Variants in DNAH11 observed in about 807,000 individuals in gnomAD.
The protein encoded by DNAH11 is dynein axonemal heavy chain 11.
DNAH11 carries 442 observed loss-of-function variants against 526.0 expected under a neutral mutation model. The observed-to-expected ratio is 0.84, with a 90% CI of 0.78 to 0.91. The LOEUF (loss-of-function observed/expected upper bound fraction) is 0.91, where lower values mean the gene tolerates loss of function less well. Ranked by LOEUF, DNAH11 falls within the 40% of genes least tolerant of loss-of-function variation. The pLI, the probability that DNAH11 is intolerant of heterozygous loss-of-function variation, is 0.00. For missense variants in DNAH11, 6,989 were observed against 5,448.7 expected (o/e 1.28, Z -8.90); for synonymous variants, 2,461 against 1,935.9 (o/e 1.27, Z -7.12).
At chr7:21,796,453 C>T (rs1053907046) in intron 61 of DNAH11, among the ~76,000 whole-genome samples, 2 of 151,808 alleles carry the variant, frequency 1.3e-5, no homozygotes, top group Non-Finnish European at 2.9e-5. Context: ...ATGAGGGAAG[C>T]AGAATGAAAA....
At chr7:21,804,979 A>C (rs961336331) in intron 62 of DNAH11, among the ~76,000 whole-genome samples, 1 of 152,030 alleles carries the variant, frequency 6.6e-6, no homozygotes, top group Non-Finnish European at 1.5e-5. Context: ...CCCCATCTTC[A>C]CTGGCCTTCT....
chr7:21,555,621 C>T lies in DNAH11; in HGVS notation c.496-3181C>T, dbSNP rs188200261. ...TATCTCAGTTACACACACTTGACCT[C>T]TGAAAATGCCCAACCACCAAGGCAG... On this transcript the variant is annotated intron_variant, in intron 2 of 81. Transcript: ENST00000409508. Among the ~76,000 whole-genome samples, 5 of 152,326 alleles carry T rather than the reference C, an allele frequency of 3.3e-5. No homozygotes were observed. In the East Asian group the frequency reaches 9.7e-4, roughly 29 times the overall value.
chr7:21,615,304 A>C, intron 21 of DNAH11, 32 bp downstream of exon 21: 1 of 1,603,544 alleles, frequency 6.2e-7, no homozygotes, highest in Non-Finnish European at 8.5e-7. Context: ...CATGCTTTTT[A>C]TTTAGTAGTT....
intron 73 of DNAH11, among the ~76,000 whole-genome samples, chr7:21,872,719 G>A (rs973409105): frequency 6.6e-6 from 1 of 152,206 alleles, no homozygotes; most frequent in Non-Finnish European, 1.5e-5. Context: ...AAAATCATCT[G>A]TTAGGAATAA....
chr7:21,726,273 A>G lies in DNAH11; in HGVS notation c.7440+289A>G, dbSNP rs146166908. ...ATCTCATGAGAACAAATTCACTTTC[A>G]TTAGAATAGTACCAAGATGGATGGT... is the stretch of plus-strand genomic sequence containing the variant. On this transcript the variant is annotated intron_variant, in intron 45 of 81. Coordinates refer to ENST00000409508, the MANE Select transcript of DNAH11 (RefSeq NM_001277115.2). Among the ~76,000 whole-genome samples, 56 of 152,188 alleles carry G rather than the reference A, an allele frequency of 3.7e-4. No homozygotes were observed. The Middle Eastern group carries it at 0.014, about 37-fold the overall frequency.
chr7:21,824,237 A>G (rs1790179287), intron 65 of DNAH11, among the ~76,000 whole-genome samples: 1 of 152,152 alleles, frequency 6.6e-6, no homozygotes, highest in Admixed American at 6.5e-5. Context: ...ATATGAAGTT[A>G]TAAAGCATAA....
intron 68 of DNAH11, among the ~76,000 whole-genome samples, chr7:21,858,039 T>C (rs1271323139): frequency 6.6e-6 from 1 of 152,018 alleles, no homozygotes; most frequent in Non-Finnish European, 1.5e-5. Flanking sequence ...AACAAAGAAT[T>C]TGTATCAGGA....
At position 21,545,147 on chromosome 7, in the gene DNAH11, GA is replaced by G. The variant is rs1269572959; in HGVS notation, c.494del (p.Glu165GlyfsTer3). 6.2e-7 allele frequency: 1 copy of G among 1,608,380 alleles called. No homozygotes were observed. Among genetic ancestry groups the G allele is most frequent in the Non-Finnish European group, 8.5e-7 (1 of 1,177,230 alleles). On this transcript the variant is annotated frameshift_variant and splice_region_variant, in exon 2 of 82. Transcript: ENST00000409508. LOFTEE classifies it high-confidence loss of function. The stretch of plus-strand genomic sequence containing the variant: ...TGGACATGTATCTGCTTTCCTTGAT[GA>G]GGTACTGGTCTGTCTTTAATATTTA... ...SLGHVSAFLD[E>X]ILVPVLSNKN...
At chr7:21,658,704 C>T (rs1782120214) in intron 29 of DNAH11, 94 bp from the exon 30 acceptor site, 2 of 1,000,270 alleles carry the variant, frequency 2.0e-6, no homozygotes, top group Admixed American at 2.8e-5. Context: ...CCACCTGGGG[C>T]ATTACCCTCT....
At chr7:21,893,419 A>C (rs140471062) in intron 77 of DNAH11, among the ~76,000 whole-genome samples, 20 of 152,328 alleles carry the variant, frequency 1.3e-4, no homozygotes, top group African/African-American at 4.8e-4. Flanking sequence ...ATCTTTTCAC[A>C]TGCTTATGGC....
chr7:21,592,152 A>G (rs1391697976), intron 14 of DNAH11, among the ~76,000 whole-genome samples: 2 of 152,210 alleles, frequency 1.3e-5, no homozygotes, highest in Non-Finnish European at 2.9e-5. Flanking sequence ...CAAATCCTTT[A>G]TTTCATGGAG....
intron 6 of DNAH11, 61 bp from the exon 7 acceptor site, chr7:21,570,007 CG>C (rs1225875536): frequency 2.4e-5 from 31 of 1,293,260 alleles, no homozygotes; most frequent in South Asian, 1.7e-4. Flanking sequence ...GAAACAGAGA[CG>C]GTTACAGGGA....
In DNAH11 at chr7:21,545,924, A is replaced by G. The variant is rs186867240; in HGVS notation, c.495+775A>G. ...TTAGGATCACCTGGGGGAACTTGTAACACAATGCCCCAGGTCACACCCATA... is the reference window on the plus strand; with the variant it reads ...TTAGGATCACCTGGGGGAACTTGTAGCACAATGCCCCAGGTCACACCCATA... On this transcript the variant is annotated intron_variant, in intron 2 of 81. Coordinates refer to ENST00000409508, the MANE Select transcript of DNAH11 (RefSeq NM_001277115.2). Among the ~76,000 whole-genome samples, 104 of 152,294 alleles carry G rather than the reference A, an allele frequency of 6.8e-4. 3 individuals carry two copies. Among genetic ancestry groups the G allele is most frequent in the Admixed American group, 4.3e-3 (66 of 15,304 alleles).
intron 8 of DNAH11, among the ~76,000 whole-genome samples, chr7:21,579,234 A>G (rs1470941496): frequency 6.6e-6 from 1 of 152,202 alleles, no homozygotes; most frequent in Non-Finnish European, 1.5e-5. Flanking sequence ...ATACAGCAAC[A>G]TTTTTATAAT....
intron 28 of DNAH11, among the ~76,000 whole-genome samples, chr7:21,642,466 TC>T (rs1417410296): frequency 1.3e-5 from 2 of 152,162 alleles, no homozygotes; most frequent in African/African-American, 2.4e-5. Context: ...GATAGTGTGA[TC>T]TTGCCACACT....
intron 30 of DNAH11, among the ~76,000 whole-genome samples, chr7:21,676,426 T>C (rs1351535157): frequency 6.6e-6 from 1 of 152,222 alleles, no homozygotes; most frequent in Non-Finnish European, 1.5e-5. Flanking sequence ...CTGACCATAA[T>C]GATTGCTATC....
chr7:21,888,355 T>G (rs1227141712), intron 76 of DNAH11, among the ~76,000 whole-genome samples: 2 of 152,222 alleles, frequency 1.3e-5, no homozygotes, highest in East Asian at 3.9e-4. Context: ...TGGGGGTCGG[T>G]TTTTGTTAAA....
At position 21,616,974 on chromosome 7, in the gene DNAH11, T is replaced by C. The variant is rs577480128; in HGVS notation, c.4096-645T>C. Reference sequence around the variant, plus strand: ...CTTCTACCCACTCTCGCCTGTATTTTCCCCCATATTATGCCAGTCCCAAAG... The same window carrying C: ...CTTCTACCCACTCTCGCCTGTATTTCCCCCCATATTATGCCAGTCCCAAAG... On this transcript the variant is annotated intron_variant, in intron 22 of 81. Transcript: ENST00000409508. 5.9e-5 allele frequency among the ~76,000 whole-genome samples: 9 copies of C among 152,322 alleles called. No individual in the cohort carries two copies. The East Asian group carries it at 1.7e-3, about 29-fold the overall frequency.
At chr7:21,786,801 A>G (rs575504339) in intron 59 of DNAH11, 34 bp downstream of exon 59, 2 of 1,611,774 alleles carry the variant, frequency 1.2e-6, no homozygotes, top group South Asian at 2.2e-5. Flanking sequence ...GAAAATCCTG[A>G]TAATTTCCAT....
Sources: gnomAD v4.1 joint callset for allele counts (sites outside exome capture counted in the v4.1 genomes callset) on GRCh38, gnomAD v4.1.1 for gene constraint, MANE v1.5 for transcripts, NCBI Gene and HGNC (gene_info 2026-07-23, HGNC 2026-07-21) for gene names.